ZNF718: variants seen among roughly 807,000 people sequenced by gnomAD.
ZNF718 encodes the protein zinc finger protein 718.
A neutral mutation model predicts 2.6 loss-of-function variants in ZNF718; 3 were observed. The observed-to-expected ratio is 1.16, with a 90% CI of 0.53 to 3.01. The LOEUF is 3.01. ZNF718 is among the 30% of genes most tolerant of loss of function. The pLI, the probability that ZNF718 is intolerant of heterozygous loss-of-function variation, is 0.03. For missense variants in ZNF718, 468 were observed against 230.0 expected, an observed-to-expected ratio of 2.03 and a Z score of -6.69; for synonymous variants, 135 against 77.9, an observed-to-expected ratio of 1.73 and a Z score of -3.86.
chr4:182,342 T>C (rs956047933), intron 3 of ZNF718, among the ~76,000 whole-genome samples: 17 of 152,326 alleles, frequency 1.1e-4, no homozygotes, highest in South Asian at 2.1e-4. Flanking sequence ...TTTGTGACTT[T>C]TTTGTTATAG....
rs1409222003 is a variant in ZNF718 at position 132,261 on chromosome 4, CAAAG to C, written c.226+760_226+763del. On this transcript the variant is annotated intron_variant, in intron 3 of 3. Coordinates refer to ENST00000510175, the MANE Select transcript of ZNF718 (RefSeq NM_001039127.6). ...AAATGTAGTTTGGGAAGCTCTGTGACAAAGAAAATAATTTCTGAAAAGGCTGCAT... is the reference window on the plus strand; with the variant it reads ...AAATGTAGTTTGGGAAGCTCTGTGACAAAATAATTTCTGAAAAGGCTGCAT... 1.9e-5 allele frequency among the ~76,000 whole-genome samples: 2 copies of C among 103,230 alleles called. 1 individual carries two copies. Among genetic ancestry groups the C allele is most frequent in the African/African-American group, 6.7e-5 (2 of 29,710 alleles). The allele number at this position is 103,230 out of a possible 152,430, so 67.7% of individuals were successfully genotyped here.
At chr4:164,676 CATTT>C (rs1335352335), downstream of ZNF718, among the ~76,000 whole-genome samples, 52 of 152,200 alleles carry the variant, frequency 3.4e-4, no homozygotes, top group African/African-American at 1.1e-3. Flanking sequence ...TGTTAAGTAA[CATTT>C]AGTTAGAATA....
intron 3 of ZNF718, among the ~76,000 whole-genome samples, chr4:176,013 C>G (rs1717339441): frequency 6.6e-6 from 1 of 152,004 alleles, no homozygotes; most frequent in Non-Finnish European, 1.5e-5. Flanking sequence ...GTCTTCTTAA[C>G]AAGCATATCA....
chr4:125,457 T>C (rs545518887), intron 1 of ZNF718, among the ~76,000 whole-genome samples: 2 of 152,264 alleles, frequency 1.3e-5, no homozygotes, highest in African/African-American at 4.8e-5. Flanking sequence ...CAGCGCTGAC[T>C]CTGGGTGGTG....
rs376713824 is a variant in ZNF718, at chr4:161,035, G to T, written c.350G>T (p.Ser117Ile). The T allele has an allele frequency of 1.7e-5, 13 of 780,466 alleles. No homozygotes were observed. The African/African-American group carries it at 2.0e-4, about 12-fold the overall frequency. 48.3% of individuals were successfully genotyped at this position (780,466 alleles called of 1,614,324 possible). A position where few individuals can be genotyped will look rare whatever the true frequency, so the allele number is the denominator to read the frequency against. ...GAGAATTTAAGAAAAACTTGTAAAA[G>T]TATAAATGAGTGTAAGGTGCAGAAA... ...GHENLRKTCK[S>I]INECKVQKGG... Residue 117 changes from serine (S) to isoleucine (I), a missense_variant, in exon 4 of 4, where the codon AGT (serine) becomes ATT (isoleucine). By Grantham distance (142) the Ser-to-Ile change is moderately radical. Transcript: ENST00000510175.
chr4:125,924 A>G (rs1560106674), intron 1 of ZNF718, among the ~76,000 whole-genome samples: 2 of 152,170 alleles, frequency 1.3e-5, no homozygotes, highest in South Asian at 2.1e-4. Flanking sequence ...AGATCTGTTT[A>G]GCAGGAGCCC....
rs1395577516 is a variant in ZNF718, at chr4:148,580, C to T, written c.227-12332C>T. Among the ~76,000 whole-genome samples, 17 of 137,982 alleles carry T rather than the reference C, an allele frequency of 1.2e-4. 1 individual carries two copies. The Admixed American group carries it at 1.3e-3, about 10-fold the overall frequency. 90.5% of individuals were successfully genotyped at this position (137,982 alleles called of 152,430 possible). On this transcript the variant is annotated intron_variant, in intron 3 of 3. Coordinates refer to ENST00000510175, the MANE Select transcript of ZNF718 (RefSeq NM_001039127.6). ...GCAAATATCACGCCATTGCACTCTG[C>T]AGCCAAGGTGACAGAGTGAGACTCT...
chr4:150,631 G>C (rs1390140310), intron 3 of ZNF718, among the ~76,000 whole-genome samples: 1 of 151,900 alleles, frequency 6.6e-6, no homozygotes, highest in Non-Finnish European at 1.5e-5. Flanking sequence ...ATCTGTACTA[G>C]ATTTTCTTTA....
rs535220006 is a variant in ZNF718, at chr4:139,519, A to AG, written c.226+8019dup. Among the ~76,000 whole-genome samples, 4 of 152,310 alleles carry AG rather than the reference A, an allele frequency of 2.6e-5. No homozygotes were observed. The South Asian group carries it at 8.3e-4, about 32-fold the overall frequency. On this transcript the variant is annotated intron_variant, in intron 3 of 3. Transcript: ENST00000510175. ...CCTCTCCATTTACATAGGGCATACT[A>AG]GGGGGTATTTAAACTCCCAAAAATT... is the stretch of plus-strand genomic sequence containing the variant.
At chr4:157,036 A>G (rs1448090787) in intron 3 of ZNF718, among the ~76,000 whole-genome samples, 1 of 150,860 alleles carries the variant, frequency 6.6e-6, no homozygotes, top group Non-Finnish European at 1.5e-5. Flanking sequence ...TGTGTTTTGA[A>G]ATCAGGAGCT....
Position 153,251 on chromosome 4 carries a change from G to A in ZNF718, c.227-7661G>A, listed in dbSNP as rs1021563104. Among the ~76,000 whole-genome samples, 3 of 151,854 alleles carry A rather than the reference G, an allele frequency of 2.0e-5. No homozygotes were observed. In the East Asian group the frequency reaches 5.8e-4, roughly 29 times the overall value. ...GCTCTAGGTTCATGGATTTATTACT[G>A]GGCTCACTGGATACTGTCATCTGTC... On this transcript the variant is annotated intron_variant, in intron 3 of 3. Coordinates refer to ENST00000510175, the MANE Select transcript of ZNF718 (RefSeq NM_001039127.6).
Position 161,894 on chromosome 4 carries a change from C to G in ZNF718, c.1209C>G (p.Ala403=), listed in dbSNP as rs1716894523. 9.0e-6 allele frequency: 7 copies of G among 780,132 alleles called. No individual in the cohort carries two copies. Among genetic ancestry groups the G allele is most frequent in the Non-Finnish European group, 1.7e-5 (7 of 417,688 alleles). The allele number at this position is 780,132 out of a possible 1,614,324, so 48.3% of individuals were successfully genotyped here. Residue 403 remains alanine (A), a synonymous_variant, in exon 4 of 4, where the codon GCC becomes GCG. Transcript: ENST00000510175. ...ACAAATGTGAAGATTGTGGCAAAGCCTTTAAAGTGTTTGCAAACCTGCATA... is the reference window on the plus strand; with the variant it reads ...ACAAATGTGAAGATTGTGGCAAAGCGTTTAAAGTGTTTGCAAACCTGCATA... The part of the protein sequence containing the change: ...NPYKCEDCGK[A]FKVFANLHNH...
chr4:161,084 A>G lies in ZNF718; in HGVS notation c.399A>G (p.Gln133=). 1 of 776,376 alleles carries G rather than the reference A, an allele frequency of 1.3e-6. No individual in the cohort carries two copies. The highest frequency in any genetic ancestry group is 2.3e-4 in the Middle Eastern group (1 of 4,442). 48.1% of individuals were successfully genotyped at this position (776,376 alleles called of 1,614,324 possible). ...AAGGTGGTTATAATAGAATTAACCA[A>G]TGCTTATTAACTACCCAGAAAAAAA... ...VQKGGYNRIN[Q]CLLTTQKKTI... The change falls in exon 4 of 4, where the codon CAA becomes CAG. Residue 133 remains glutamine (Q), a synonymous_variant. Coordinates refer to ENST00000510175, the MANE Select transcript of ZNF718 (RefSeq NM_001039127.6).
chr4:133,193 AAAATATATATATATATAT>A (rs1172840504), intron 3 of ZNF718, among the ~76,000 whole-genome samples: 1 of 20,406 alleles, frequency 4.9e-5, no homozygotes, highest in African/African-American at 2.2e-4. Flanking sequence ...AAAAAAAAAA[AAAATATATATATATATAT>A]ATATATATAT....
chr4:130,706 C>T lies in ZNF718; in HGVS notation c.4-82C>T, dbSNP rs1199995969. ...GCAGTGAGCTGAGACCGTACCACTG[C>T]ACTCCAGCCTGGGCAACAGAGCGGG... On this transcript the variant is annotated intron_variant, in intron 1 of 3. Coordinates refer to ENST00000510175, the MANE Select transcript of ZNF718 (RefSeq NM_001039127.6). The T allele has an allele frequency of 3.5e-5, 7 of 201,676 alleles. 2 individuals are homozygous for T. Among genetic ancestry groups the T allele is most frequent in the Non-Finnish European group, 2.8e-5 (3 of 108,840 alleles). The allele number at this position is 201,676 out of a possible 1,614,324, so 12.5% of individuals were successfully genotyped here.
rs1177799565 is a variant in ZNF718, at chr4:163,902, G to A, written c.*1780G>A. On this transcript the variant is annotated 3_prime_UTR_variant, in exon 4 of 4. Coordinates refer to ENST00000510175, the MANE Select transcript of ZNF718 (RefSeq NM_001039127.6). Reference sequence around the variant, plus strand: ...AAATTTATGTGGGTACATGGTATGTGTATACATTCATGGCATAGATGGGTT... The same window carrying A: ...AAATTTATGTGGGTACATGGTATGTATATACATTCATGGCATAGATGGGTT... The A allele has an allele frequency of 6.9e-6, 1 of 145,254 alleles. No individual in the cohort carries two copies. Among genetic ancestry groups the A allele is most frequent in the Admixed American group, 6.8e-5 (1 of 14,672 alleles). The allele number at this position is 145,254 out of a possible 1,614,324, so 9.0% of individuals were successfully genotyped here.
At chr4:148,881 T>C (rs1716191057) in intron 3 of ZNF718, among the ~76,000 whole-genome samples, 1 of 152,166 alleles carries the variant, frequency 6.6e-6, no homozygotes, top group Admixed American at 6.5e-5. Flanking sequence ...CCAAATGATC[T>C]ATAGCTATGT....
At chr4:155,955 T>C (rs1716549365) in intron 3 of ZNF718, among the ~76,000 whole-genome samples, 1 of 152,158 alleles carries the variant, frequency 6.6e-6, no homozygotes, top group Admixed American at 6.5e-5. Flanking sequence ...CATACTGTTT[T>C]TACAGTAGTG....
chr4:141,816 A>C (rs1715823981), intron 3 of ZNF718, among the ~76,000 whole-genome samples: 1 of 152,222 alleles, frequency 6.6e-6, no homozygotes, highest in East Asian at 1.9e-4. Flanking sequence ...TTAAATACCA[A>C]AACAATACAA....
Sources: allele counts gnomAD v4.1 joint callset (sites outside exome capture counted in the v4.1 genomes callset), GRCh38; gene constraint gnomAD v4.1.1; transcripts MANE v1.5; gene names NCBI Gene and HGNC (gene_info 2026-07-23, HGNC 2026-07-21).